The following ITGBL1 variants were observed in gnomAD, a reference collection of about 807,000 sequenced individuals.
The protein encoded by ITGBL1 is integrin beta-like protein 1.
Under a neutral mutation model 68.5 loss-of-function variants are expected in ITGBL1, and 51 were observed. That is an observed-to-expected ratio of 0.74 (90% CI 0.59 to 0.94). The LOEUF is 0.94. Ranked by LOEUF, ITGBL1 falls within the 40% of genes least tolerant of loss-of-function variation. The pLI is 0.00. For missense variants in ITGBL1, 649 were observed against 647.4 expected, an observed-to-expected ratio of 1.00 and a Z score of -0.03; for synonymous variants, 209 against 227.3, an observed-to-expected ratio of 0.92 and a Z score of 0.72.
intron 9 of ITGBL1, chr13:101,711,741 G>GA (rs2034476570): frequency 6.6e-6 from 1 of 152,280 alleles, no homozygotes; most frequent in Admixed American, 6.5e-5. Context: ...AGACACATGA[G>GA]AAAATGTGGC....
chr13:101,707,471 G>A (rs2034287266), intron 9 of ITGBL1, among the ~76,000 whole-genome samples: 1 of 152,150 alleles, frequency 6.6e-6, no homozygotes, highest in Non-Finnish European at 1.5e-5. Context: ...TATCCCACAA[G>A]TCTGATGGAA....
At chr13:101,711,528 T>G (rs2034466680) in intron 9 of ITGBL1, 1 of 152,272 alleles carries the variant, frequency 6.6e-6, no homozygotes, top group South Asian at 2.1e-4. Context: ...AACTACTGTA[T>G]ATGAAAGTTT....
intron 7 of ITGBL1, among the ~76,000 whole-genome samples, chr13:101,610,272 CT>C (rs2031061803): frequency 6.6e-6 from 1 of 152,132 alleles, no homozygotes; most frequent in Non-Finnish European, 1.5e-5. Context: ...CAGCCATAAT[CT>C]TCATAGAATC....
In ITGBL1 at chr13:101,583,859, A is replaced by G. The variant is rs576480948; in HGVS notation, c.868+503A>G. 9.2e-3 allele frequency among the ~76,000 whole-genome samples: 1,406 copies of G among 152,270 alleles called. 26 individuals carry two copies. Among genetic ancestry groups the G allele is most frequent in the Middle Eastern group, 0.034 (10 of 294 alleles). On this transcript the variant is annotated intron_variant, in intron 6 of 10. Transcript: ENST00000376180. ...AAAGTTGGCAAAGACTAGAGATGAG[A>G]GGGCACCCACTCTTTTAAAGTTAGT...
At position 101,620,525 on chromosome 13, in the gene ITGBL1, C is replaced by T. The variant is rs770836992; in HGVS notation, c.1015+22226C>T. On this transcript the variant is annotated intron_variant, in intron 7 of 10. Coordinates refer to ENST00000376180, the MANE Select transcript of ITGBL1 (RefSeq NM_004791.3). The stretch of plus-strand genomic sequence containing the variant: ...GATCTCTCGTCTTAAATTGTCATGA[C>T]CCAAGAGGGCTACAGCAGTATTTCT... 7.9e-5 allele frequency among the ~76,000 whole-genome samples: 12 copies of T among 152,160 alleles called. No individual in the cohort carries two copies. In the South Asian group the frequency reaches 1.2e-3, roughly 16 times the overall value.
chr13:101,466,210 A>G (rs2048380021), intron 2 of ITGBL1, among the ~76,000 whole-genome samples: 2 of 152,142 alleles, frequency 1.3e-5, no homozygotes, highest in Non-Finnish European at 2.9e-5. Context: ...TTCCCTTGAC[A>G]AGGAATATTA....
In ITGBL1 at chr13:101,606,380, T is replaced by C. The variant is rs898458565; in HGVS notation, c.1015+8081T>C. On this transcript the variant is annotated intron_variant, in intron 7 of 10. Coordinates refer to ENST00000376180, the MANE Select transcript of ITGBL1 (RefSeq NM_004791.3). ...CATATTGGCTGTAGATATATTTTCA[T>C]GTAACTAGATGTAGCTCATATAGCC... is the stretch of plus-strand genomic sequence containing the variant. 9.2e-5 allele frequency among the ~76,000 whole-genome samples: 14 copies of C among 151,536 alleles called. 1 individual carries two copies. Among genetic ancestry groups the C allele is most frequent in the Non-Finnish European group, 4.4e-5 (3 of 67,850 alleles).
At chr13:101,467,582 A>C (rs2048399266) in intron 2 of ITGBL1, among the ~76,000 whole-genome samples, 4 of 152,226 alleles carry the variant, frequency 2.6e-5, no homozygotes, top group African/African-American at 9.6e-5. Flanking sequence ...TTTGTAATAG[A>C]AGTCATTCTC....
chr13:101,637,825 A>G (rs2032227326), intron 7 of ITGBL1, among the ~76,000 whole-genome samples: 3 of 152,184 alleles, frequency 2.0e-5, no homozygotes, highest in Admixed American at 6.5e-5. Flanking sequence ...AGCAATGCTA[A>G]CATTCAATCT....
At chr13:101,580,667 T>C (rs1250679357) in intron 5 of ITGBL1, among the ~76,000 whole-genome samples, 1 of 152,158 alleles carries the variant, frequency 6.6e-6, no homozygotes, top group East Asian at 1.9e-4. Context: ...TAAGTCCTTT[T>C]ATGCAGTAGG....
intron 2 of ITGBL1, among the ~76,000 whole-genome samples, chr13:101,477,390 A>T (rs191914751): frequency 9.2e-5 from 14 of 152,208 alleles, no homozygotes; most frequent in Non-Finnish European, 1.6e-4. Flanking sequence ...AAAAGTACAA[A>T]AACTTCAAAT....
chr13:101,586,259 G>T lies in ITGBL1; in HGVS notation c.868+2903G>T, dbSNP rs560462163. 3.9e-5 allele frequency among the ~76,000 whole-genome samples: 6 copies of T among 152,242 alleles called. No homozygotes were observed. In the South Asian group the frequency reaches 1.0e-3, roughly 26 times the overall value. On this transcript the variant is annotated intron_variant, in intron 6 of 10. Coordinates refer to ENST00000376180, the MANE Select transcript of ITGBL1 (RefSeq NM_004791.3). ...TACCCTATGAGATTCCACACAGTGG[G>T]TATGGACAGGTAGGGGTAGGAAGAG...
chr13:101,473,691 G>T (rs1484793259), intron 2 of ITGBL1, among the ~76,000 whole-genome samples: 1 of 152,210 alleles, frequency 6.6e-6, no homozygotes, highest in African/African-American at 2.4e-5. Context: ...AAGGGAGTGT[G>T]TGCATCACCC....
At chr13:101,517,680 G>T (rs1303972850) in intron 2 of ITGBL1, among the ~76,000 whole-genome samples, 1 of 152,202 alleles carries the variant, frequency 6.6e-6, no homozygotes, top group African/African-American at 2.4e-5. Flanking sequence ...AGAAATACAG[G>T]TTGATTATGA....
At chr13:101,457,958 T>A (rs751465867) in intron 2 of ITGBL1, among the ~76,000 whole-genome samples, 7 of 152,222 alleles carry the variant, frequency 4.6e-5, no homozygotes, top group Admixed American at 6.5e-5. Context: ...TTCTTAGAAA[T>A]CTTTTGAAAT....
chr13:101,523,474 T>C (rs1466920495), intron 2 of ITGBL1, among the ~76,000 whole-genome samples: 1 of 152,182 alleles, frequency 6.6e-6, no homozygotes, highest in Non-Finnish European at 1.5e-5. Context: ...GCTATCTACA[T>C]GGCATGTTTT....
intron 2 of ITGBL1, among the ~76,000 whole-genome samples, chr13:101,511,094 A>G (rs2139110644): frequency 1.3e-5 from 2 of 152,136 alleles, no homozygotes; most frequent in Middle Eastern, 3.4e-3. Flanking sequence ...CGATGAGGAT[A>G]TTTCCTAGAT....
At chr13:101,625,702 G>T (rs2031747789) in intron 7 of ITGBL1, among the ~76,000 whole-genome samples, 1 of 152,040 alleles carries the variant, frequency 6.6e-6, no homozygotes, top group Non-Finnish European at 1.5e-5. Flanking sequence ...ACAGGAGCCT[G>T]CCATCATGCC....
intron 6 of ITGBL1, among the ~76,000 whole-genome samples, chr13:101,595,467 C>T (rs1425621230): frequency 2.0e-5 from 3 of 151,846 alleles, no homozygotes; most frequent in Non-Finnish European, 2.9e-5. Flanking sequence ...AGAGGACAAA[C>T]GTTGAAACTA....
Sources: gnomAD v4.1 joint callset for allele counts (sites outside exome capture counted in the v4.1 genomes callset) on GRCh38, gnomAD v4.1.1 for gene constraint, MANE v1.5 for transcripts, NCBI Gene and HGNC (gene_info 2026-07-23, HGNC 2026-07-21) for gene names.